ATP9B: variants seen among roughly 807,000 people sequenced by gnomAD.
The protein encoded by ATP9B is probable phospholipid-transporting ATPase IIB.
A neutral mutation model predicts 146.1 loss-of-function variants in ATP9B; 110 were observed. The ratio of observed to expected loss-of-function variants is 0.75; its 90% CI spans 0.65 to 0.88. The LOEUF (loss-of-function observed/expected upper bound fraction) is 0.88, where lower values mean the gene tolerates loss of function less well. Among genes scored for constraint, ATP9B ranks in the 40% least tolerant of loss-of-function variants. ATP9B has a pLI of 0.00. For synonymous variants in ATP9B, 604 were observed against 569.7 expected (o/e 1.06, Z -0.86); for missense variants, 1,499 against 1,496.4 (o/e 1.00, Z -0.03).
chr18:79,275,323 A>G (rs531759723), intron 12 of ATP9B, among the ~76,000 whole-genome samples: 2 of 152,220 alleles, frequency 1.3e-5, no homozygotes, highest in Non-Finnish European at 2.9e-5. Context: ...TAAGTGGTCC[A>G]TGACTTCCAC....
chr18:79,284,148 G>A (rs2096409023), intron 13 of ATP9B, among the ~76,000 whole-genome samples: 1 of 152,196 alleles, frequency 6.6e-6, no homozygotes, highest in Non-Finnish European at 1.5e-5. Context: ...GTAAGGGCAG[G>A]CAAGCATGAC....
intron 12 of ATP9B, chr18:79,254,463 G>C (rs142946834): frequency 6.6e-6 from 1 of 152,414 alleles, no homozygotes; most frequent in Non-Finnish European, 1.5e-5. Flanking sequence ...CAGTCTGTTC[G>C]AGAGGTAGGA....
intron 13 of ATP9B, among the ~76,000 whole-genome samples, chr18:79,283,718 G>A (rs548818451): frequency 2.6e-5 from 4 of 152,328 alleles, no homozygotes; most frequent in South Asian, 4.1e-4. Context: ...CTGCAAGGAT[G>A]CAGAGCATAT....
At chr18:79,122,821 A>G (rs1006858232) in intron 4 of ATP9B, among the ~76,000 whole-genome samples, 12 of 152,184 alleles carry the variant, frequency 7.9e-5, no homozygotes, top group African/African-American at 2.9e-4. Context: ...GCTTTTTGAT[A>G]ACCACTTTTA....
chr18:79,286,094 G>A (rs879745901), intron 13 of ATP9B, among the ~76,000 whole-genome samples: 346 of 151,220 alleles, frequency 2.3e-3, no homozygotes, highest in Non-Finnish European at 4.0e-3. Flanking sequence ...TTGACTTGGC[G>A]ATGCGGGCTC....
chr18:79,264,394 C>A (rs535530527), intron 12 of ATP9B, among the ~76,000 whole-genome samples: 5 of 152,260 alleles, frequency 3.3e-5, no homozygotes, highest in African/African-American at 1.2e-4. Flanking sequence ...GAGCAGCTTG[C>A]AGTTATTTAT....
intron 8 of ATP9B, among the ~76,000 whole-genome samples, chr18:79,185,302 G>T (rs139419977): frequency 6.6e-6 from 1 of 152,246 alleles, no homozygotes; most frequent in Admixed American, 6.5e-5. Context: ...TCTTTGCCAT[G>T]ATTATAGGAA....
At chr18:79,144,031 T>C in intron 6 of ATP9B, 171 bp downstream of exon 6, 1 of 456,568 alleles carries the variant, frequency 2.2e-6, no homozygotes, top group Non-Finnish European at 3.8e-6. Context: ...TGTATATTGT[T>C]TTGCTAAAGT....
At chr18:79,330,446 A>G (rs1469160408) in intron 17 of ATP9B, among the ~76,000 whole-genome samples, 1 of 150,168 alleles carries the variant, frequency 6.7e-6, no homozygotes, top group Non-Finnish European at 1.5e-5. Flanking sequence ...AGACAGACAC[A>G]CTGTCACCCA....
rs1391667991 is a variant in ATP9B, at chr18:79,345,471, G to C, written c.2516G>C (p.Cys839Ser). The change falls in exon 22 of 30, where the codon TGC (cysteine) becomes TCC (serine). Residue 839 changes from cysteine to serine, a missense_variant. Coordinates refer to ENST00000426216, the MANE Select transcript of ATP9B (RefSeq NM_198531.5). ...YYEHEFVELA[C>S]QCPAVVCCRC... ...GAGCATGAATTTGTGGAGCTGGCCT[G>C]CCAGTGCCCTGCCGTGGTTTGCTGC... The C allele has an allele frequency of 1.2e-5, 20 of 1,613,802 alleles. No individual in the cohort carries two copies. The highest frequency in any genetic ancestry group is 1.6e-4 in the Middle Eastern group (1 of 6,084).
At chr18:79,190,970 C>T (rs981663079) in intron 8 of ATP9B, among the ~76,000 whole-genome samples, 1 of 152,060 alleles carries the variant, frequency 6.6e-6, no homozygotes, top group East Asian at 1.9e-4. Flanking sequence ...TGAGTTTCTG[C>T]CTGATATTGT....
intron 12 of ATP9B, among the ~76,000 whole-genome samples, chr18:79,273,482 G>A (rs1015532358): frequency 3.3e-5 from 5 of 152,112 alleles, no homozygotes; most frequent in South Asian, 2.1e-4. Flanking sequence ...TAATTTCTTC[G>A]GTAAAACTTC....
intron 24 of ATP9B, 97 bp from the exon 25 acceptor site, chr18:79,348,035 G>C: frequency 6.2e-7 from 1 of 1,600,074 alleles, no homozygotes; most frequent in Non-Finnish European, 8.5e-7. Flanking sequence ...GGAAGTACCT[G>C]GGCTGTGCTT....
intron 13 of ATP9B, among the ~76,000 whole-genome samples, chr18:79,291,189 A>G (rs2096499457): frequency 6.6e-6 from 1 of 152,048 alleles, no homozygotes; most frequent in South Asian, 2.1e-4. Context: ...TTAAGAAATC[A>G]GAAACCTTTT....
rs149352408 is a variant in ATP9B, at chr18:79,367,764, C to T, written c.3013-5061C>T. On this transcript the variant is annotated intron_variant, in intron 26 of 29. Coordinates refer to ENST00000426216, the MANE Select transcript of ATP9B (RefSeq NM_198531.5). ...CTGCTGTGGAGCCCTGCAGGGGACA[C>T]GTGTCTCCTCAACAAATCCTCCCCA... Among the ~76,000 whole-genome samples the T allele has an allele frequency of 1.7e-3, 263 of 152,354 alleles. 3 individuals carry two copies. The East Asian group carries it at 0.018, about 10-fold the overall frequency.
At chr18:79,102,584 A>T (rs955509303) in intron 2 of ATP9B, among the ~76,000 whole-genome samples, 3 of 152,122 alleles carry the variant, frequency 2.0e-5, no homozygotes, top group Non-Finnish European at 4.4e-5. Flanking sequence ...AATTCTTCTT[A>T]CTTTTTTCAG....
intron 24 of ATP9B, 43 bp downstream of exon 24, chr18:79,347,968 A>AG: frequency 6.2e-7 from 1 of 1,605,304 alleles, no homozygotes; most frequent in Non-Finnish European, 8.5e-7. Context: ...GGCAGGGTCC[A>AG]GGAAGGGCAG....
intron 13 of ATP9B, among the ~76,000 whole-genome samples, chr18:79,302,748 C>T (rs113976535): frequency 0.021 from 3,240 of 152,278 alleles, 54 homozygotes; most frequent in Middle Eastern, 0.044. Flanking sequence ...GCCATCCTAT[C>T]TTTCACAGAC....
intron 7 of ATP9B, among the ~76,000 whole-genome samples, chr18:79,159,507 A>G (rs2094845507): frequency 6.6e-6 from 1 of 152,056 alleles, no homozygotes; most frequent in South Asian, 2.1e-4. Context: ...GACTAGGCCC[A>G]TTCCTGAAGG....
Sources: allele counts gnomAD v4.1 joint callset (sites outside exome capture counted in the v4.1 genomes callset), GRCh38; gene constraint gnomAD v4.1.1; transcripts MANE v1.5; gene names NCBI Gene and HGNC (gene_info 2026-07-23, HGNC 2026-07-21).